TSPAN18: variants seen among roughly 807,000 people sequenced by gnomAD.
The protein encoded by TSPAN18 is tetraspanin-18.
Under a neutral mutation model 27.3 loss-of-function variants are expected in TSPAN18, and 14 were observed. The ratio of observed to expected loss-of-function variants is 0.51; its 90% CI spans 0.34 to 0.80. TSPAN18 has a LOEUF of 0.80. TSPAN18 is among the 30% of genes least tolerant of loss of function. The probability of loss-of-function intolerance (pLI) is 0.01; values close to 1 mark genes in which losing one functional copy is unlikely to be tolerated. For synonymous variants in TSPAN18, 143 were observed against 136.5 expected (o/e 1.05, Z -0.33); for missense variants, 268 against 323.9 (o/e 0.83, Z 1.32).
intron 3 of TSPAN18, among the ~76,000 whole-genome samples, chr11:44,889,542 C>G (rs1858774096): frequency 6.6e-6 from 1 of 152,256 alleles, no homozygotes; most frequent in Non-Finnish European, 1.5e-5. Context: ...GTGGCATCAA[C>G]CATCCAGTTT....
chr11:44,907,581 G>A (rs1859498993), intron 4 of TSPAN18, among the ~76,000 whole-genome samples: 1 of 152,112 alleles, frequency 6.6e-6, no homozygotes, highest in South Asian at 2.1e-4. Context: ...TAGACCCAAG[G>A]TCACCACCTT....
At chr11:44,886,995 T>C (rs1478778198) in intron 3 of TSPAN18, among the ~76,000 whole-genome samples, 1 of 152,218 alleles carries the variant, frequency 6.6e-6, no homozygotes, top group Non-Finnish European at 1.5e-5. Context: ...CTCATCTTCA[T>C]TATGGAGTTG....
chr11:44,767,401 C>T (rs2134904071), intron 2 of TSPAN18, among the ~76,000 whole-genome samples: 1 of 152,326 alleles, frequency 6.6e-6, no homozygotes, highest in Middle Eastern at 3.4e-3. Context: ...GTTCCTAGCC[C>T]AAGGACAGTG....
intron 3 of TSPAN18, among the ~76,000 whole-genome samples, chr11:44,878,238 A>G (rs1201053626): frequency 6.6e-6 from 1 of 152,082 alleles, no homozygotes; most frequent in African/African-American, 2.4e-5. Flanking sequence ...TTAGAGCGGC[A>G]GCGGACCTGG....
At position 44,913,088 on chromosome 11, in the gene TSPAN18, T is replaced by A. The variant is rs533442850; in HGVS notation, c.258+3189T>A. 9.2e-5 allele frequency among the ~76,000 whole-genome samples: 14 copies of A among 152,220 alleles called. 1 individual carries two copies. On this transcript the variant is annotated intron_variant, in intron 5 of 9. Transcript: ENST00000520358. ...GTGGTGGTTCCAACCGAAGAGGGCATGGAGCCTCACCCCTGGCAGCTTCTG... is the reference window on the plus strand; with the variant it reads ...GTGGTGGTTCCAACCGAAGAGGGCAAGGAGCCTCACCCCTGGCAGCTTCTG...
At chr11:44,885,200 C>G (rs867740700) in intron 3 of TSPAN18, among the ~76,000 whole-genome samples, 2 of 152,178 alleles carry the variant, frequency 1.3e-5, no homozygotes, top group Non-Finnish European at 2.9e-5. Context: ...CCCATCACAT[C>G]GATGTCCCTT....
chr11:44,842,435 A>C (rs185504675), intron 2 of TSPAN18, among the ~76,000 whole-genome samples: 1 of 152,306 alleles, frequency 6.6e-6, no homozygotes, highest in East Asian at 1.9e-4. Flanking sequence ...TGATGCACAG[A>C]GCATTTTCTA....
intron 2 of TSPAN18, among the ~76,000 whole-genome samples, chr11:44,835,123 G>T (rs980894210): frequency 5.9e-5 from 9 of 152,210 alleles, no homozygotes; most frequent in African/African-American, 1.9e-4. Flanking sequence ...CAGCTCAAAG[G>T]TCATCCTCCC....
At chr11:44,824,455 G>A (rs898729231) in intron 2 of TSPAN18, among the ~76,000 whole-genome samples, 1 of 152,204 alleles carries the variant, frequency 6.6e-6, no homozygotes, top group East Asian at 1.9e-4. Flanking sequence ...GAGGGTCACT[G>A]GGAAAGTTCA....
intron 3 of TSPAN18, among the ~76,000 whole-genome samples, chr11:44,873,692 G>A (rs1858253409): frequency 2.6e-5 from 4 of 152,212 alleles, no homozygotes; most frequent in Admixed American, 2.6e-4. Context: ...CTGAAAATGA[G>A]CCACCTCGAG....
Position 44,929,145 on chromosome 11 carries a change from C to A in TSPAN18, c.714C>A (p.Ile238=). The A allele has an allele frequency of 6.2e-7, 1 of 1,613,610 alleles. No individual in the cohort carries two copies. Among genetic ancestry groups the A allele is most frequent in the Non-Finnish European group, 8.5e-7 (1 of 1,180,036 alleles). The part of the protein sequence containing the change: ...GVLAIELFAM[I]FAMCLFRGIQ ...TTTTTTTGCAGCTTTTCGCCATGAT[C>A]TTTGCCATGTGCCTCTTCCGGGGCA... The change falls in exon 10 of 10, where the codon ATC becomes ATA. Residue 238 remains isoleucine (I), a synonymous_variant. Coordinates refer to ENST00000520358, the MANE Select transcript of TSPAN18 (RefSeq NM_130783.5).
chr11:44,833,825 T>C (rs1857206516), intron 2 of TSPAN18, among the ~76,000 whole-genome samples: 2 of 151,912 alleles, frequency 1.3e-5, no homozygotes, highest in Non-Finnish European at 2.9e-5. Flanking sequence ...GTCTCTGGGA[T>C]CTGGGACTTG....
intron 2 of TSPAN18, among the ~76,000 whole-genome samples, chr11:44,835,536 C>A (rs576100197): frequency 1.3e-5 from 2 of 152,082 alleles, no homozygotes; most frequent in African/African-American, 4.8e-5. Context: ...CTGGACCAGA[C>A]CTGATTTTGC....
intron 2 of TSPAN18, among the ~76,000 whole-genome samples, chr11:44,780,393 C>A (rs554482274): frequency 1.6e-4 from 24 of 152,358 alleles, no homozygotes; most frequent in Non-Finnish European, 2.4e-4. Context: ...AATCTGGGCC[C>A]AGTACAAGTG....
At chr11:44,914,661 A>G (rs1283894657) in intron 5 of TSPAN18, among the ~76,000 whole-genome samples, 2 of 152,230 alleles carry the variant, frequency 1.3e-5, no homozygotes, top group African/African-American at 4.8e-5. Flanking sequence ...GTGAAGTCCC[A>G]GAGGTACTGC....
intron 2 of TSPAN18, among the ~76,000 whole-genome samples, chr11:44,834,644 G>A (rs1365405146): frequency 6.6e-6 from 1 of 152,194 alleles, no homozygotes; most frequent in Non-Finnish European, 1.5e-5. Context: ...GCACCAGGCT[G>A]ATGTGGGTTC....
At chr11:44,833,093 T>G (rs1193645802) in intron 2 of TSPAN18, among the ~76,000 whole-genome samples, 1 of 150,810 alleles carries the variant, frequency 6.6e-6, no homozygotes, top group Non-Finnish European at 1.5e-5. Flanking sequence ...AAACACTGTC[T>G]CCTCACTCTG....
chr11:44,795,630 C>T (rs865998970), intron 2 of TSPAN18, among the ~76,000 whole-genome samples: 6 of 151,954 alleles, frequency 3.9e-5, no homozygotes, highest in Admixed American at 6.6e-5. Flanking sequence ...CTCTCACTGC[C>T]ACACCCTTAC....
At chr11:44,896,350 TTC>T (rs1015722684) in intron 3 of TSPAN18, among the ~76,000 whole-genome samples, 2 of 152,102 alleles carry the variant, frequency 1.3e-5, no homozygotes, top group African/African-American at 4.8e-5. Context: ...GACAAGTCAA[TTC>T]TCTCTCTTTT....
Sources: gnomAD v4.1 joint callset for allele counts (sites outside exome capture counted in the v4.1 genomes callset) on GRCh38, gnomAD v4.1.1 for gene constraint, MANE v1.5 for transcripts, NCBI Gene and HGNC (gene_info 2026-07-23, HGNC 2026-07-21) for gene names.